AKAP12: variants seen among roughly 807,000 people sequenced by gnomAD.
AKAP12 encodes A-kinase anchoring protein 12.
Under a neutral mutation model 79.9 loss-of-function variants are expected in AKAP12, and 32 were observed. The ratio of observed to expected loss-of-function variants is 0.40; its 90% CI spans 0.30 to 0.54. The LOEUF is 0.54. Among genes scored for constraint, AKAP12 ranks in the 20% least tolerant of loss-of-function variants. The pLI, the probability that AKAP12 is intolerant of heterozygous loss-of-function variation, is 0.48. For synonymous variants in AKAP12, 808 were observed against 857.0 expected, an observed-to-expected ratio of 0.94 and a Z score of 1.00; for missense variants, 2,074 against 2,177.0, an observed-to-expected ratio of 0.95 and a Z score of 0.94.
rs546260491 is a variant in AKAP12 at position 151,277,615 on chromosome 6, GGTTTAAA to G, written c.163-28131_163-28125del. On this transcript the variant is annotated intron_variant, in intron 2 of 4. Coordinates refer to ENST00000402676, the MANE Select transcript of AKAP12 (RefSeq NM_005100.4). ...ACTATTAGGGCTTACAAAATGATCA[GGTTTAAA>G]CCTGCAAGCAGACTCTTGCCTCCTA... is the stretch of plus-strand genomic sequence containing the variant. Among the ~76,000 whole-genome samples the G allele has an allele frequency of 6.1e-3, 925 of 152,236 alleles. 6 individuals carry two copies. The highest frequency in any genetic ancestry group is 0.013 in the South Asian group (65 of 4,820).
At chr6:151,248,756 G>A (rs1797121463) in intron 2 of AKAP12, among the ~76,000 whole-genome samples, 2 of 152,128 alleles carry the variant, frequency 1.3e-5, no homozygotes, top group Non-Finnish European at 2.9e-5. Flanking sequence ...TTGGGAGGCC[G>A]AGGCGGGCGG....
chr6:151,291,872 C>T (rs546166990), intron 2 of AKAP12, among the ~76,000 whole-genome samples: 1 of 152,296 alleles, frequency 6.6e-6, no homozygotes, highest in Admixed American at 6.5e-5. Flanking sequence ...TCCCTGCCAG[C>T]TGACTTGTGG....
Position 151,352,045 on chromosome 6 carries a change from A to G in AKAP12, c.3654A>G (p.Lys1218=), listed in dbSNP as rs778747692. The G allele has an allele frequency of 6.2e-7, 1 of 1,614,164 alleles. No homozygotes were observed. The highest frequency in any genetic ancestry group is 1.6e-4 in the Middle Eastern group (1 of 6,062). ...AAGCAGAGGCAGTTCCTGCACAGAA[A>G]GAGAGGCCTCCAGCACCTTCCAGTT... is the stretch of plus-strand genomic sequence containing the variant. The part of the protein sequence containing the change: ...GTEAEAVPAQ[K]ERPPAPSSFV... The change falls in exon 4 of 5, where the codon AAA becomes AAG. Residue 1218 remains lysine (K), a synonymous_variant. Coordinates refer to ENST00000402676, the MANE Select transcript of AKAP12 (RefSeq NM_005100.4).
chr6:151,246,977 G>A (rs747766379), intron 2 of AKAP12, among the ~76,000 whole-genome samples: 11 of 152,094 alleles, frequency 7.2e-5, no homozygotes, highest in Admixed American at 2.6e-4. Flanking sequence ...ATTTTTGGTA[G>A]AGACAAGGTC....
chr6:151,342,588 G>A (rs968630990), intron 3 of AKAP12, among the ~76,000 whole-genome samples: 8 of 152,226 alleles, frequency 5.3e-5, no homozygotes, highest in African/African-American at 1.9e-4. Context: ...CCCGAAGATT[G>A]TTCTGACAAT....
At chr6:151,346,353 C>CACAT (rs777207232) in intron 3 of AKAP12, among the ~76,000 whole-genome samples, 8 of 152,182 alleles carry the variant, frequency 5.3e-5, no homozygotes, top group South Asian at 2.1e-4. Context: ...TATGGAAAGC[C>CACAT]ACATCATCCG....
chr6:151,245,403 CTCCTGCCTCAGCTT>C (rs1248684674), intron 2 of AKAP12, among the ~76,000 whole-genome samples: 1 of 151,508 alleles, frequency 6.6e-6, no homozygotes, highest in East Asian at 1.9e-4. Flanking sequence ...TCAAGCGATT[CTCCTGCCTCAGCTT>C]TCCGAGTCGC....
intron 4 of AKAP12, among the ~76,000 whole-genome samples, chr6:151,355,455 A>AC (rs1778418429): frequency 6.6e-6 from 1 of 151,972 alleles, no homozygotes; most frequent in Non-Finnish European, 1.5e-5. Flanking sequence ...GGTGCATGCC[A>AC]CCATGCCCAG....
chr6:151,245,636 G>A (rs1020991973), intron 2 of AKAP12, among the ~76,000 whole-genome samples: 2 of 124,098 alleles, frequency 1.6e-5, no homozygotes, highest in East Asian at 2.3e-4. Flanking sequence ...CAGCCTGGGC[G>A]ACAGAGAGAG....
intron 3 of AKAP12, among the ~76,000 whole-genome samples, chr6:151,323,555 A>AG (rs951554790): frequency 2.9e-5 from 4 of 136,144 alleles, no homozygotes. Context: ...CTCCATCTCA[A>AG]AAAAAAAAAA....
At chr6:151,346,715 T>C (rs1778111480) in intron 3 of AKAP12, among the ~76,000 whole-genome samples, 1 of 152,216 alleles carries the variant, frequency 6.6e-6, no homozygotes, top group Non-Finnish European at 1.5e-5. Context: ...ATGTGTATGT[T>C]GGTATTCTGA....
intron 2 of AKAP12, among the ~76,000 whole-genome samples, chr6:151,269,807 A>G (rs1340312251): frequency 1.3e-5 from 2 of 152,188 alleles, no homozygotes; most frequent in East Asian, 1.9e-4. Flanking sequence ...ACAGAGTTGC[A>G]TAACTGTCAT....
intron 2 of AKAP12, among the ~76,000 whole-genome samples, chr6:151,280,038 G>T (rs908964234): frequency 2.7e-5 from 4 of 145,846 alleles, no homozygotes; most frequent in East Asian, 4.0e-4. Context: ...TTCGGTTGTT[G>T]TTTTTTTTTT....
intron 3 of AKAP12, among the ~76,000 whole-genome samples, chr6:151,340,540 C>T (rs569545646): frequency 3.8e-4 from 58 of 152,284 alleles, no homozygotes; most frequent in African/African-American, 1.3e-3. Flanking sequence ...TTTGAAGTCC[C>T]AGTTGGAGGG....
At chr6:151,249,035 G>GCCATT (rs1797128224) in intron 2 of AKAP12, among the ~76,000 whole-genome samples, 4 of 152,052 alleles carry the variant, frequency 2.6e-5, no homozygotes, top group East Asian at 3.9e-4. Flanking sequence ...AATAGATTGT[G>GCCATT]CCATTCAAGG....
At chr6:151,344,972 A>G (rs1778051040) in intron 3 of AKAP12, among the ~76,000 whole-genome samples, 1 of 152,232 alleles carries the variant, frequency 6.6e-6, no homozygotes. Flanking sequence ...AGATTATATA[A>G]TTGGAAGGAA....
chr6:151,260,721 A>G (rs1797410147), intron 2 of AKAP12, among the ~76,000 whole-genome samples: 1 of 152,200 alleles, frequency 6.6e-6, no homozygotes, highest in African/African-American at 2.4e-5. Flanking sequence ...TTTTGGGTGC[A>G]GTGACTCATG....
At chr6:151,309,019 C>T (rs903937818) in intron 3 of AKAP12, among the ~76,000 whole-genome samples, 4 of 152,116 alleles carry the variant, frequency 2.6e-5, no homozygotes, top group Non-Finnish European at 5.9e-5. Context: ...GGATTACAGG[C>T]ATGCACCACC....
Position 151,350,806 on chromosome 6 carries a change from C to T in AKAP12, c.2415C>T (p.Val805=). 6.2e-7 allele frequency: 1 copy of T among 1,613,982 alleles called. No homozygotes were observed. The highest frequency in any genetic ancestry group is 8.5e-7 in the Non-Finnish European group (1 of 1,179,948). The stretch of plus-strand genomic sequence containing the variant: ...AACCCGGTAAAGAAGAATCCTGGGT[C>T]TCAATCAAGAAGTTTATTCCTGGAC... ...DTEPGKEESW[V]SIKKFIPGRR... The change falls in exon 4 of 5, where the codon GTC becomes GTT. Residue 805 remains valine (V), a synonymous_variant. Transcript: ENST00000402676. This position sits in a 1 kb window ranked among gnomAD's most constrained non-coding sequence, Gnocchi z 4.8.
Sources: allele counts gnomAD v4.1 joint callset (sites outside exome capture counted in the v4.1 genomes callset), GRCh38; gene constraint gnomAD v4.1.1; non-coding constraint Gnocchi (gnomAD v3.1); transcripts MANE v1.5; gene names NCBI Gene and HGNC (gene_info 2026-07-23, HGNC 2026-07-21).